ZNF385D: variants seen among roughly 807,000 people sequenced by gnomAD.
The protein encoded by ZNF385D is zinc finger protein 659.
Under a neutral mutation model 35.8 loss-of-function variants are expected in ZNF385D, and 15 were observed. The observed-to-expected ratio is 0.42, with a 90% CI of 0.28 to 0.64. The LOEUF (loss-of-function observed/expected upper bound fraction) is 0.64, where lower values mean the gene tolerates loss of function less well. ZNF385D is among the 30% of genes least tolerant of loss of function. The probability of loss-of-function intolerance (pLI) is 0.23; values close to 1 mark genes in which losing one functional copy is unlikely to be tolerated. For missense variants in ZNF385D, 474 were observed against 494.6 expected, an observed-to-expected ratio of 0.96 and a Z score of 0.39; for synonymous variants, 212 against 186.8, an observed-to-expected ratio of 1.13 and a Z score of -1.10.
intron 3 of ZNF385D, among the ~76,000 whole-genome samples, chr3:22,041,445 A>T (rs1282631123): frequency 1.3e-5 from 2 of 152,292 alleles, no homozygotes; most frequent in Non-Finnish European, 2.9e-5. Flanking sequence ...TGTTAAAGTT[A>T]TATTAAGCAA....
intron 2 of ZNF385D, among the ~76,000 whole-genome samples, chr3:22,336,374 T>C (rs1306002373): frequency 6.6e-6 from 1 of 152,160 alleles, no homozygotes; most frequent in African/African-American, 2.4e-5. Context: ...AAAAAGCTAT[T>C]CAACTGTATC....
intron 3 of ZNF385D, among the ~76,000 whole-genome samples, chr3:21,526,921 G>A (rs1014308730): frequency 1.3e-5 from 2 of 152,070 alleles, no homozygotes; most frequent in Non-Finnish European, 2.9e-5. Flanking sequence ...CATATTATAA[G>A]TGAGTATCTG....
intron 2 of ZNF385D, among the ~76,000 whole-genome samples, chr3:22,178,961 A>C (rs1260906100): frequency 6.8e-6 from 1 of 147,702 alleles, no homozygotes; most frequent in South Asian, 2.2e-4. Flanking sequence ...TTTTGGTACC[A>C]GTACCATGCT....
chr3:21,549,390 T>C (rs13092094), intron 3 of ZNF385D, among the ~76,000 whole-genome samples: 24,993 of 152,214 alleles, frequency 0.16, 2,086 homozygotes, highest in African/African-American at 0.19. Flanking sequence ...AAACCCAGTA[T>C]TTTTTGCTCT....
chr3:22,265,727 C>T (rs1700865709), intron 2 of ZNF385D, among the ~76,000 whole-genome samples: 1 of 151,860 alleles, frequency 6.6e-6, no homozygotes, highest in African/African-American at 2.4e-5. Flanking sequence ...CCTGGGCCTC[C>T]CGGACAAAGA....
intron 3 of ZNF385D, among the ~76,000 whole-genome samples, chr3:21,920,033 A>G (rs1489357896): frequency 6.6e-6 from 1 of 152,228 alleles, no homozygotes; most frequent in African/African-American, 2.4e-5. Context: ...GGGTTGAGAA[A>G]ATATGTTCTG....
intron 3 of ZNF385D, among the ~76,000 whole-genome samples, chr3:21,933,772 C>T (rs145968199): frequency 0.01 from 1,561 of 152,136 alleles, 29 homozygotes; most frequent in African/African-American, 0.036. Flanking sequence ...TTCAAAGATG[C>T]CTGAAAACAA....
At chr3:22,031,144 G>C (rs1262779576) in intron 3 of ZNF385D, among the ~76,000 whole-genome samples, 1 of 152,188 alleles carries the variant, frequency 6.6e-6, no homozygotes, top group African/African-American at 2.4e-5. Flanking sequence ...CTGGTGTTGA[G>C]TGCCTGCAGC....
At chr3:21,768,807 G>C (rs5018369) in intron 3 of ZNF385D, among the ~76,000 whole-genome samples, 74,507 of 151,394 alleles carry the variant, frequency 0.49, 18,856 homozygotes, top group African/African-American at 0.62. Flanking sequence ...GGGGACGAAC[G>C]CCCCATCCCC....
chr3:22,200,038 T>C lies in ZNF385D; in HGVS notation c.107-31003A>G, dbSNP rs377445994. 2.0e-5 allele frequency among the ~76,000 whole-genome samples: 3 copies of C among 152,100 alleles called. 1 individual carries two copies. The highest frequency in any genetic ancestry group is 3.9e-4 in the East Asian group (2 of 5,174). The stretch of plus-strand genomic sequence containing the variant: ...TTTCCTATTTTATAGGTGGAGACTG[T>C]GTCAGCACAGAAAGGTTAAGATCAT... On this transcript the variant is annotated intron_variant, in intron 2 of 5. Transcript: ENST00000494108.
intron 2 of ZNF385D, among the ~76,000 whole-genome samples, chr3:22,307,876 C>T (rs986127835): frequency 4.6e-5 from 7 of 151,960 alleles, no homozygotes; most frequent in African/African-American, 1.7e-4. Context: ...GTAAGATCAT[C>T]AAATTCAGAA....
intron 1 of ZNF385D, among the ~76,000 whole-genome samples, chr3:21,737,505 T>C (rs1559568178): frequency 1.3e-5 from 2 of 151,760 alleles, no homozygotes; most frequent in Non-Finnish European, 2.9e-5. Flanking sequence ...ATAAGATAGA[T>C]AGATACGTAT....
intron 3 of ZNF385D, among the ~76,000 whole-genome samples, chr3:22,010,602 A>G (rs889634409): frequency 1.3e-5 from 2 of 152,152 alleles, no homozygotes; most frequent in African/African-American, 4.8e-5. Context: ...AATCCAGTCT[A>G]AGACTCTTCT....
chr3:22,179,920 A>G (rs1358184482), intron 2 of ZNF385D, among the ~76,000 whole-genome samples: 1 of 152,232 alleles, frequency 6.6e-6, no homozygotes, highest in Non-Finnish European at 1.5e-5. Flanking sequence ...AGCAGAAGGC[A>G]AGAAATAACA....
At chr3:21,933,581 G>C (rs1443013385) in intron 3 of ZNF385D, among the ~76,000 whole-genome samples, 2 of 152,128 alleles carry the variant, frequency 1.3e-5, no homozygotes, top group African/African-American at 4.8e-5. Flanking sequence ...ATGGCATTTA[G>C]CATTAACATG....
rs1054260914 is a variant in ZNF385D, at chr3:21,574,762, A to C, written c.166-10078T>G. The stretch of plus-strand genomic sequence containing the variant: ...CTAAGTGATGGATTTTTAGATTTTC[A>C]TTATACTATTCTATCCTTATACATG... On this transcript the variant is annotated intron_variant, in intron 2 of 7. Transcript: ENST00000281523. 8.5e-5 allele frequency among the ~76,000 whole-genome samples: 13 copies of C among 152,128 alleles called. No homozygotes were observed. The East Asian group carries it at 1.5e-3, about 18-fold the overall frequency.
At chr3:21,558,081 T>C (rs2062803910) in intron 3 of ZNF385D, among the ~76,000 whole-genome samples, 1 of 151,690 alleles carries the variant, frequency 6.6e-6, no homozygotes, top group South Asian at 2.1e-4. Context: ...TTTGCTGATC[T>C]TTTCAAAAAA....
At chr3:21,467,013 T>A (rs1321327686) in intron 4 of ZNF385D, among the ~76,000 whole-genome samples, 1 of 152,170 alleles carries the variant, frequency 6.6e-6, no homozygotes, top group Non-Finnish European at 1.5e-5. Context: ...CCAAGCTTCT[T>A]ACCAATGATC....
At chr3:22,009,882 A>T (rs61003106) in intron 3 of ZNF385D, among the ~76,000 whole-genome samples, 24,912 of 151,870 alleles carry the variant, frequency 0.16, 2,175 homozygotes, top group Non-Finnish European at 0.19. Context: ...TTATAAGCCT[A>T]TAGTTCATAA....
Sources: gnomAD v4.1 joint callset for allele counts (sites outside exome capture counted in the v4.1 genomes callset) on GRCh38, gnomAD v4.1.1 for gene constraint, MANE v1.5 for transcripts, NCBI Gene and HGNC (gene_info 2026-07-23, HGNC 2026-07-21) for gene names.